The following CXCL13 variants were observed in gnomAD, a reference collection of about 807,000 sequenced individuals.
The protein encoded by CXCL13 is C-X-C motif chemokine ligand 13.
In CXCL13, 7 loss-of-function variants were observed where a neutral mutation model predicts 12.2. The observed-to-expected ratio is 0.57, with a 90% CI of 0.33 to 1.07. The LOEUF (loss-of-function observed/expected upper bound fraction) is 1.07. Among genes scored for constraint, CXCL13 ranks in the 50% least tolerant of loss-of-function variants. CXCL13 has a pLI of 0.04. For missense variants in CXCL13, 113 were observed against 127.4 expected, an observed-to-expected ratio of 0.89 and a Z score of 0.55; for synonymous variants, 47 against 42.4, an observed-to-expected ratio of 1.11 and a Z score of -0.42.
At position 77,564,366 on chromosome 4, in the gene CXCL13, G is replaced by A. The variant is rs768072071; in HGVS notation, c.-42-41458G>A. Among the ~76,000 whole-genome samples the A allele has an allele frequency of 2.6e-4, 40 of 152,322 alleles. 1 individual carries two copies. The highest frequency in any genetic ancestry group is 4.7e-4 in the Non-Finnish European group (32 of 68,024). ...GCAGAGGAGCAGGCACAGATGGGAT[G>A]GCTAAGACAGCAAGTTTGACTTGGA... On this transcript the variant is annotated intron_variant, in intron 1 of 4. Transcript: ENST00000286758.
intron 1 of CXCL13, among the ~76,000 whole-genome samples, chr4:77,542,076 C>T (rs958790230): frequency 6.6e-6 from 1 of 152,070 alleles, no homozygotes; most frequent in African/African-American, 2.4e-5. Context: ...TGAGATTTTA[C>T]TGAGGTCATT....
At chr4:77,568,095 C>T (rs1214974775) in intron 1 of CXCL13, among the ~76,000 whole-genome samples, 1 of 152,186 alleles carries the variant, frequency 6.6e-6, no homozygotes, top group Non-Finnish European at 1.5e-5. Context: ...AACCCTGTGA[C>T]ATCATTTCTG....
chr4:77,609,592 G>C (rs150542044), intron 2 of CXCL13, among the ~76,000 whole-genome samples: 1 of 152,162 alleles, frequency 6.6e-6, no homozygotes, highest in African/African-American at 2.4e-5. Context: ...ACAGGCATGA[G>C]CTACCATGCT....
intron 1 of CXCL13, among the ~76,000 whole-genome samples, chr4:77,520,356 G>C (rs1236074819): frequency 6.6e-6 from 1 of 152,172 alleles, no homozygotes; most frequent in South Asian, 2.1e-4. Context: ...AGCATGGAAT[G>C]TTCTTCCATT....
intron 1 of CXCL13, among the ~76,000 whole-genome samples, chr4:77,529,739 C>T (rs1292573623): frequency 6.6e-6 from 1 of 152,136 alleles, no homozygotes; most frequent in Non-Finnish European, 1.5e-5. Context: ...AATGTGACTT[C>T]CTCTTTTCCT....
intron 1 of CXCL13, among the ~76,000 whole-genome samples, chr4:77,577,111 A>T (rs1433950526): frequency 6.6e-6 from 1 of 152,172 alleles, no homozygotes; most frequent in African/African-American, 2.4e-5. Flanking sequence ...TTATCCTGCA[A>T]ATCTTGCCAG....
upstream of CXCL13, among the ~76,000 whole-genome samples, chr4:77,600,856 G>T (rs1296462836): frequency 6.6e-6 from 1 of 152,038 alleles, no homozygotes; most frequent in Non-Finnish European, 1.5e-5. Context: ...ATTTTTAGGG[G>T]TTTTTCTCCC....
At chr4:77,533,110 C>T (rs552096075) in intron 1 of CXCL13, among the ~76,000 whole-genome samples, 532 of 152,288 alleles carry the variant, frequency 3.5e-3, no homozygotes, top group Non-Finnish European at 5.9e-3. Context: ...AGGAGAGGTG[C>T]TCTGATTTTT....
At chr4:77,604,979 C>T (rs1002621195), upstream of CXCL13, among the ~76,000 whole-genome samples, 1 of 152,076 alleles carries the variant, frequency 6.6e-6, no homozygotes. Flanking sequence ...ATGGGATAAG[C>T]TGTGGGCTGA....
chr4:77,579,430 T>G (rs1199114495), intron 1 of CXCL13, among the ~76,000 whole-genome samples: 1 of 152,196 alleles, frequency 6.6e-6, no homozygotes, highest in African/African-American at 2.4e-5. Context: ...TTTAATTCAA[T>G]TACAGCCTCA....
intron 1 of CXCL13, among the ~76,000 whole-genome samples, chr4:77,521,510 G>A (rs1724596814): frequency 6.6e-6 from 1 of 152,144 alleles, no homozygotes; most frequent in South Asian, 2.1e-4. Context: ...GTGTAGAGGT[G>A]TTTATAGTAT....
intron 1 of CXCL13, among the ~76,000 whole-genome samples, chr4:77,522,585 T>A (rs548771049): frequency 6.8e-6 from 1 of 148,026 alleles, no homozygotes; most frequent in African/African-American, 2.5e-5. Flanking sequence ...AATCCTTTAT[T>A]TTTGAGCTTA....
chr4:77,607,842 T>G lies in CXCL13; in HGVS notation c.197+7T>G. ...GTCCAAGAAAAGAAATCATGTAAGT[T>G]TCAAGAGAAAAATAAATAAGATTTC... On this transcript the variant is annotated splice_region_variant and intron_variant, in intron 2 of 3. Coordinates refer to ENST00000682537, the MANE Select transcript of CXCL13 (RefSeq NM_001371558.1). The G allele has an allele frequency of 6.2e-7, 1 of 1,613,412 alleles. No individual in the cohort carries two copies. Among genetic ancestry groups the G allele is most frequent in the South Asian group, 1.1e-5 (1 of 91,024 alleles).
At chr4:77,532,127 G>T (rs1163826878) in intron 1 of CXCL13, among the ~76,000 whole-genome samples, 1 of 152,190 alleles carries the variant, frequency 6.6e-6, no homozygotes, top group Non-Finnish European at 1.5e-5. Flanking sequence ...AGTTGATGCA[G>T]TTTCTTCCTA....
chr4:77,548,471 G>A (rs960842374), intron 1 of CXCL13, among the ~76,000 whole-genome samples: 1 of 152,212 alleles, frequency 6.6e-6, no homozygotes, highest in Admixed American at 6.5e-5. Context: ...GGGGAAGGCA[G>A]TGAATTTCTA....
At chr4:77,551,705 T>C (rs1194310125) in intron 1 of CXCL13, among the ~76,000 whole-genome samples, 1 of 152,214 alleles carries the variant, frequency 6.6e-6, no homozygotes, top group East Asian at 1.9e-4. Flanking sequence ...TTTTTTTCCA[T>C]TTCTCTCAGG....
chr4:77,562,279 G>A (rs1382298741), intron 1 of CXCL13, among the ~76,000 whole-genome samples: 1 of 149,782 alleles, frequency 6.7e-6, no homozygotes, highest in Admixed American at 6.7e-5. Context: ...AACGCCCCCT[G>A]CTCTGCTGCG....
chr4:77,599,445 A>G (rs1008219470), intron 1 of CXCL13, among the ~76,000 whole-genome samples: 1 of 152,258 alleles, frequency 6.6e-6, no homozygotes, highest in South Asian at 2.1e-4. Context: ...TTCAGAACAG[A>G]CATGGTCCTT....
intron 1 of CXCL13, among the ~76,000 whole-genome samples, chr4:77,520,461 T>G (rs1026544920): frequency 1.3e-5 from 2 of 152,224 alleles, no homozygotes; most frequent in African/African-American, 4.8e-5. Flanking sequence ...CTAGGTACTG[T>G]ATTCTTTTTG....
Sources: gnomAD v4.1 joint callset for allele counts (sites outside exome capture counted in the v4.1 genomes callset) on GRCh38, gnomAD v4.1.1 for gene constraint, MANE v1.5 for transcripts, NCBI Gene and HGNC (gene_info 2026-07-23, HGNC 2026-07-21) for gene names.